The following CRACD variants were observed in gnomAD, a reference collection of about 807,000 sequenced individuals.
CRACD encodes the protein capping protein inhibiting regulator of actin dynamics, also known as capping protein-inhibiting regulator of actin dynamics.
A neutral mutation model predicts 106.8 loss-of-function variants in CRACD; 56 were observed. The observed-to-expected ratio is 0.52, with a 90% CI of 0.42 to 0.66. CRACD has a LOEUF of 0.66. CRACD is among the 30% of genes least tolerant of loss of function. CRACD has a pLI of 0.00. For synonymous variants in CRACD, 754 were observed against 670.8 expected (o/e 1.12, Z -1.92); for missense variants, 1,730 against 1,623.2 (o/e 1.07, Z -1.13).
At chr4:56,154,294 C>T (rs541634720) in intron 1 of CRACD, among the ~76,000 whole-genome samples, 71 of 151,748 alleles carry the variant, frequency 4.7e-4, no homozygotes, top group Non-Finnish European at 8.7e-4. Flanking sequence ...TGGCGAAACC[C>T]GTGTCTACCA....
At chr4:56,116,673 T>C (rs1468740892) in intron 1 of CRACD, among the ~76,000 whole-genome samples, 1 of 152,188 alleles carries the variant, frequency 6.6e-6, no homozygotes, top group African/African-American at 2.4e-5. Flanking sequence ...ATCTTCTTTT[T>C]GTTTTTTTCC....
chr4:56,094,810 T>C (rs1465788466), intron 1 of CRACD, among the ~76,000 whole-genome samples: 2 of 152,202 alleles, frequency 1.3e-5, no homozygotes, highest in Non-Finnish European at 2.9e-5. Context: ...AGCAAAGATA[T>C]GTTATTGATT....
chr4:56,094,478 G>T (rs1733527989), intron 1 of CRACD, among the ~76,000 whole-genome samples: 1 of 148,042 alleles, frequency 6.8e-6, no homozygotes, highest in Admixed American at 6.8e-5. Flanking sequence ...ACCTAGGCTG[G>T]AGTGCAGTGG....
chr4:56,240,223 A>T (rs1311379234), intron 2 of CRACD, among the ~76,000 whole-genome samples: 2 of 152,106 alleles, frequency 1.3e-5, no homozygotes, highest in African/African-American at 4.8e-5. Context: ...GGGAAGATCA[A>T]GGAGGACGTG....
At chr4:56,242,331 GAGATAAAAT>G (rs1417554863) in intron 2 of CRACD, among the ~76,000 whole-genome samples, 2 of 152,158 alleles carry the variant, frequency 1.3e-5, no homozygotes, top group Non-Finnish European at 2.9e-5. Context: ...TTTGTGGCTT[GAGATAAAAT>G]TTCCAGTAAT....
intron 2 of CRACD, among the ~76,000 whole-genome samples, chr4:56,239,982 T>G (rs902576203): frequency 1.3e-5 from 2 of 151,750 alleles, no homozygotes; most frequent in African/African-American, 4.8e-5. Flanking sequence ...CTATGACAGG[T>G]TTTTTTTAAC....
chr4:56,229,204 A>T (rs769048293), intron 2 of CRACD, among the ~76,000 whole-genome samples: 107 of 152,306 alleles, frequency 7.0e-4, no homozygotes, highest in Non-Finnish European at 1.4e-3. Flanking sequence ...AAAATTCATT[A>T]TGTTGGAACC....
intron 1 of CRACD, among the ~76,000 whole-genome samples, chr4:56,102,964 A>C (rs1160834109): frequency 6.6e-6 from 1 of 152,174 alleles, no homozygotes; most frequent in African/African-American, 2.4e-5. Context: ...CTTAGCACTC[A>C]TCACAGTTGC....
chr4:56,305,899 T>C (rs922872890), intron 4 of CRACD, among the ~76,000 whole-genome samples: 2 of 152,236 alleles, frequency 1.3e-5, no homozygotes, highest in African/African-American at 4.8e-5. Flanking sequence ...CAAGGGATTC[T>C]TGCGCCAGGG....
chr4:56,256,841 C>T (rs1455731143), intron 2 of CRACD, among the ~76,000 whole-genome samples: 1 of 152,122 alleles, frequency 6.6e-6, no homozygotes, highest in African/African-American at 2.4e-5. Context: ...AAGGGCATTC[C>T]AAAGTAAACC....
chr4:56,226,033 CTGAAAG>C lies in CRACD; in HGVS notation c.-188-46282_-188-46277del, dbSNP rs560359326. Among the ~76,000 whole-genome samples the C allele has an allele frequency of 3.9e-4, 60 of 152,256 alleles. No individual in the cohort carries two copies. The East Asian group carries it at 6.4e-3, about 16-fold the overall frequency. ...ATGCAATGAATGTGTGAATGGAACCCTGAAAGTGAAATATTGGGCCTGAATGAGCAA... is the reference window on the plus strand; with the variant it reads ...ATGCAATGAATGTGTGAATGGAACCCTGAAATATTGGGCCTGAATGAGCAA... On this transcript the variant is annotated intron_variant, in intron 2 of 10. Coordinates refer to ENST00000682029, the MANE Select transcript of CRACD (RefSeq NM_001393381.1).
chr4:56,326,192 G>C (rs1746435296), intron 10 of CRACD, among the ~76,000 whole-genome samples: 1 of 152,172 alleles, frequency 6.6e-6, no homozygotes, highest in Non-Finnish European at 1.5e-5. Context: ...GATTAAAGGC[G>C]TGAGCCACCA....
intron 1 of CRACD, among the ~76,000 whole-genome samples, chr4:56,139,169 G>A (rs1260816238): frequency 6.6e-6 from 1 of 152,044 alleles, no homozygotes; most frequent in Admixed American, 6.6e-5. Flanking sequence ...TCTTTCTTCT[G>A]CTACTTGATT....
chr4:56,116,083 C>T (rs984167133), intron 1 of CRACD, among the ~76,000 whole-genome samples: 4 of 152,166 alleles, frequency 2.6e-5, no homozygotes, highest in Non-Finnish European at 5.9e-5. Flanking sequence ...ATCTTCTCTG[C>T]GTAGTGCAGA....
intron 2 of CRACD, among the ~76,000 whole-genome samples, chr4:56,195,284 C>T (rs1008330622): frequency 2.6e-5 from 4 of 151,776 alleles, no homozygotes; most frequent in Admixed American, 6.6e-5. Flanking sequence ...TATAAATATG[C>T]GGGGAAAAGA....
At chr4:56,294,913 C>CAAAAAAA (rs56200534) in intron 3 of CRACD, among the ~76,000 whole-genome samples, 38 of 72,104 alleles carry the variant, frequency 5.3e-4, no homozygotes, top group Non-Finnish European at 6.1e-4. Context: ...GACCTTGTCT[C>CAAAAAAA]AAAAAAAAAA....
intron 1 of CRACD, among the ~76,000 whole-genome samples, chr4:56,083,321 G>A (rs1399482538): frequency 3.3e-5 from 5 of 152,158 alleles, no homozygotes; most frequent in Non-Finnish European, 7.4e-5. Context: ...ATAATGGCCA[G>A]AAAAATATAT....
intron 2 of CRACD, among the ~76,000 whole-genome samples, chr4:56,180,953 C>T (rs1010174657): frequency 1.3e-5 from 2 of 151,982 alleles, no homozygotes; most frequent in African/African-American, 4.8e-5. Context: ...TGAGCACATA[C>T]GGCTTCTGTA....
At chr4:56,209,202 G>T (rs997445473) in intron 2 of CRACD, among the ~76,000 whole-genome samples, 1 of 152,088 alleles carries the variant, frequency 6.6e-6, no homozygotes, top group Non-Finnish European at 1.5e-5. Flanking sequence ...TTATAATCTC[G>T]TACAATTAAA....
Sources: allele counts gnomAD v4.1 joint callset (sites outside exome capture counted in the v4.1 genomes callset), GRCh38; gene constraint gnomAD v4.1.1; transcripts MANE v1.5; gene names NCBI Gene and HGNC (gene_info 2026-07-23, HGNC 2026-07-21).